Variants in CAPN2 observed in about 807,000 individuals in gnomAD.
CAPN2 encodes calpain 2.
In CAPN2, 92 loss-of-function variants were observed where a neutral mutation model predicts 102.3. That is an observed-to-expected ratio of 0.90 (90% confidence interval 0.76 to 1.07). The LOEUF (loss-of-function observed/expected upper bound fraction) is 1.07, where lower values mean the gene tolerates loss of function less well. Among genes scored for constraint, CAPN2 ranks in the 50% least tolerant of loss-of-function variants. The probability of loss-of-function intolerance (pLI) is 0.00; values close to 1 mark genes in which losing one functional copy is unlikely to be tolerated. For synonymous variants in CAPN2, 340 were observed against 355.4 expected (o/e 0.96, Z 0.49); for missense variants, 800 against 909.4 (o/e 0.88, Z 1.55).
chr1:223,734,690 G>T (rs1660408720), intron 2 of CAPN2, among the ~76,000 whole-genome samples: 1 of 152,156 alleles, frequency 6.6e-6, no homozygotes, highest in African/African-American at 2.4e-5. Flanking sequence ...TGTGGCCAAG[G>T]TCTGGCACAC....
chr1:223,765,552 C>G (rs1661291104), intron 15 of CAPN2, among the ~76,000 whole-genome samples: 1 of 152,210 alleles, frequency 6.6e-6, no homozygotes. Flanking sequence ...CGGGCCTTGC[C>G]TGGATTCAGC....
chr1:223,772,711 T>C (rs1301774194), intron 20 of CAPN2: 1 of 157,824 alleles, frequency 6.3e-6, no homozygotes, highest in African/African-American at 2.4e-5. Flanking sequence ...TACTAGTAAA[T>C]ACGTTTGCCA....
rs951820299 is a variant in CAPN2, at chr1:223,766,495, T to C, written c.1755+64T>C. ...AGTTTAAAATCTCACTCCAGAAAGA[T>C]TCAAACACATGGCCTTCTCCCTTTT... is the stretch of plus-strand genomic sequence containing the variant. On this transcript the variant is annotated intron_variant, in intron 16 of 20. Transcript: ENST00000295006. 9.7e-6 allele frequency: 12 copies of C among 1,233,192 alleles called. No individual in the cohort carries two copies. In the East Asian group the frequency reaches 2.1e-4, roughly 22 times the overall value. 76.4% of individuals were successfully genotyped at this position (1,233,192 alleles called of 1,614,324 possible).
chr1:223,728,908 T>C (rs988695706), intron 2 of CAPN2, among the ~76,000 whole-genome samples: 3 of 152,352 alleles, frequency 2.0e-5, no homozygotes, highest in African/African-American at 7.2e-5. Flanking sequence ...CCAGCTTTAC[T>C]GGGCATCTGT....
Position 223,752,880 on chromosome 1 carries a change from C to T in CAPN2, c.1059C>T (p.Tyr353=), listed in dbSNP as rs758588106. 1 of 1,614,210 alleles carries T rather than the reference C, an allele frequency of 6.2e-7. No homozygotes were observed. The highest frequency in any genetic ancestry group is 8.5e-7 in the Non-Finnish European group (1 of 1,180,014). ...LTPDTLTSDT[Y]KKWKLTKMDG... ...CAGACACTCTCACCAGCGATACCTA[C>T]AAGAAGTGGAAACTCACCAAAATGG... Residue 353 remains tyrosine (Y), a synonymous_variant, in exon 9 of 21, where the codon TAC becomes TAT. Transcript: ENST00000295006.
In CAPN2 at chr1:223,712,623, G is replaced by C; in HGVS notation, c.-18G>C. 4.0e-6 allele frequency: 6 copies of C among 1,509,438 alleles called. No homozygotes were observed. Among genetic ancestry groups the C allele is most frequent in the Non-Finnish European group, 5.3e-6 (6 of 1,128,092 alleles). 93.5% of individuals were successfully genotyped at this position (1,509,438 alleles called of 1,614,324 possible). On this transcript the variant is annotated 5_prime_UTR_variant, in exon 1 of 21. Coordinates refer to ENST00000295006, the MANE Select transcript of CAPN2 (RefSeq NM_001748.5). The stretch of plus-strand genomic sequence containing the variant: ...GCCCCGACCTTTCTCTGCGCAGTAC[G>C]GCCGCCGGGACCGCAGCATGGCGGG...
At chr1:223,730,199 C>T (rs77738925) in intron 2 of CAPN2, among the ~76,000 whole-genome samples, 6,187 of 152,010 alleles carry the variant, frequency 0.041, 186 homozygotes, top group South Asian at 0.069. Flanking sequence ...ACTAGATGCT[C>T]AGCTAATCTC....
At chr1:223,729,017 T>G (rs1012032759) in intron 2 of CAPN2, among the ~76,000 whole-genome samples, 67 of 152,308 alleles carry the variant, frequency 4.4e-4, no homozygotes, top group Non-Finnish European at 5.9e-5. Context: ...GTCCAACCAG[T>G]CCCTCCATTC....
intron 12 of CAPN2, among the ~76,000 whole-genome samples, chr1:223,760,948 T>C (rs1422563829): frequency 6.6e-6 from 1 of 152,170 alleles, no homozygotes; most frequent in Non-Finnish European, 1.5e-5. Flanking sequence ...CTGAGCTTGA[T>C]TACCCTCACT....
intron 13 of CAPN2, 73 bp from the exon 14 acceptor site, chr1:223,762,113 A>G: frequency 7.5e-7 from 1 of 1,336,326 alleles, no homozygotes; most frequent in Non-Finnish European, 1.1e-6. Flanking sequence ...GGTGGCTGCC[A>G]TGGAAGGGCG....
chr1:223,760,846 A>G (rs28370125), intron 12 of CAPN2, among the ~76,000 whole-genome samples: 8 of 152,166 alleles, frequency 5.3e-5, no homozygotes, highest in African/African-American at 1.9e-4. Context: ...ATCAGCACCA[A>G]GAGGTCCCCT....
chr1:223,737,903 A>G (rs1238142804), intron 2 of CAPN2, among the ~76,000 whole-genome samples: 3 of 152,086 alleles, frequency 2.0e-5, no homozygotes, highest in Non-Finnish European at 4.4e-5. Flanking sequence ...CAACAGCCAT[A>G]AAAGAATCTC....
chr1:223,749,619 G>A (rs193034589), intron 6 of CAPN2: 140 of 168,014 alleles, frequency 8.3e-4, no homozygotes, highest in Middle Eastern at 3.1e-3. Flanking sequence ...TTGGAAGGTC[G>A]TGGCGATTCA....
intron 1 of CAPN2, among the ~76,000 whole-genome samples, chr1:223,702,063 A>AGGGAGGGAGGG (rs1368901904): frequency 3.6e-5 from 1 of 27,860 alleles, no homozygotes; most frequent in Non-Finnish European, 6.5e-5. Flanking sequence ...GGAAGGAAGG[A>AGGGAGGGAGGG]AGGGAGGGAG....
rs1661582762 is a variant in CAPN2, at chr1:223,775,123, A to G, written c.*266A>G. The G allele has an allele frequency of 2.2e-6, 1 of 460,690 alleles. No individual in the cohort carries two copies. The highest frequency in any genetic ancestry group is 3.9e-5 in the Admixed American group (1 of 25,734). The allele number at this position is 460,690 out of a possible 1,614,324, so 28.5% of individuals were successfully genotyped here. ...CAAAGAAAGCTTTAAATCTGTAAAT[A>G]GTATACACTTTTTACTTTTACACAC... On this transcript the variant is annotated 3_prime_UTR_variant, in exon 21 of 21. Coordinates refer to ENST00000295006, the MANE Select transcript of CAPN2 (RefSeq NM_001748.5).
intron 1 of CAPN2, among the ~76,000 whole-genome samples, chr1:223,702,660 C>T (rs1436872829): frequency 6.6e-6 from 1 of 152,028 alleles, no homozygotes; most frequent in African/African-American, 2.4e-5. Context: ...AGGACATAAC[C>T]CACCTCCCAG....
rs372396856 is a variant in CAPN2, at chr1:223,772,203, C to G, written c.2043C>G (p.Pro681=). The change falls in exon 20 of 21, where the codon CCC becomes CCG. Residue 681 remains proline (P), a synonymous_variant. Coordinates refer to ENST00000295006, the MANE Select transcript of CAPN2 (RefSeq NM_001748.5). The part of the protein sequence containing the change: ...TLFKIFKQLD[P]ENTGTIELDL... ...CAGAGATATTTAAGCAGCTGGATCC[C>G]GAGAATACTGGAACAATAGAGCTCG... 2 of 1,614,038 alleles carry G rather than the reference C, an allele frequency of 1.2e-6. No individual in the cohort carries two copies. The highest frequency in any genetic ancestry group is 1.1e-5 in the South Asian group (1 of 91,076).
At chr1:223,717,913 C>T in intron 2 of CAPN2, 82 bp downstream of exon 2, 1 of 1,031,108 alleles carries the variant, frequency 9.7e-7, no homozygotes, top group Non-Finnish European at 1.5e-6. Context: ...CCTGTGGCTT[C>T]TCTCCCTTCC....
At chr1:223,720,315 C>CTT (rs35138708) in intron 2 of CAPN2, among the ~76,000 whole-genome samples, 7,232 of 107,274 alleles carry the variant, frequency 0.067, 597 homozygotes, top group African/African-American at 0.086. Context: ...CTCTTTCTCT[C>CTT]TTTTTTTTTT....
Sources: gnomAD v4.1 joint callset for allele counts (sites outside exome capture counted in the v4.1 genomes callset) on GRCh38, gnomAD v4.1.1 for gene constraint, MANE v1.5 for transcripts, NCBI Gene and HGNC (gene_info 2026-07-23, HGNC 2026-07-21) for gene names.